The following SCGB2B2 variants were observed in gnomAD, a reference collection of about 807,000 sequenced individuals.
The protein encoded by SCGB2B2 is secretoglobin-like protein.
Under a neutral mutation model 7.6 loss-of-function variants are expected in SCGB2B2, and 11 were observed. The observed-to-expected ratio is 1.45, with a 90% CI of 0.91 to 2.40. The LOEUF (loss-of-function observed/expected upper bound fraction) is 2.40. SCGB2B2 is among the 30% of genes most tolerant of loss of function. The pLI, the probability that SCGB2B2 is intolerant of heterozygous loss-of-function variation, is 0.00. For synonymous variants in SCGB2B2, 50 were observed against 48.6 expected (o/e 1.03, Z -0.12); for missense variants, 104 against 115.4 (o/e 0.90, Z 0.45).
downstream of SCGB2B2, among the ~76,000 whole-genome samples, chr19:34,590,410 C>T (rs2065271666): frequency 6.6e-6 from 1 of 152,086 alleles, no homozygotes; most frequent in Non-Finnish European, 1.5e-5. Context: ...TCCATTCATC[C>T]ATCCATCCAT....
intron 1 of SCGB2B2, among the ~76,000 whole-genome samples, chr19:34,611,444 G>GTACT (rs1600045789): frequency 6.6e-6 from 1 of 151,586 alleles, no homozygotes; most frequent in Non-Finnish European, 1.5e-5. Flanking sequence ...TTTGATGTGA[G>GTACT]TACTTACTAT....
At chr19:34,649,259 A>G (rs1452638236) in intron 1 of SCGB2B2, among the ~76,000 whole-genome samples, 1 of 152,218 alleles carries the variant, frequency 6.6e-6, no homozygotes, top group East Asian at 1.9e-4. Context: ...GGAACAGTAC[A>G]GAAGGTAAAC....
At chr19:34,660,482 C>A (rs750659354) in intron 1 of SCGB2B2, among the ~76,000 whole-genome samples, 19 of 152,012 alleles carry the variant, frequency 1.2e-4, no homozygotes, top group Non-Finnish European at 2.6e-4. Flanking sequence ...AAGGATATGA[C>A]CAGACACTTC....
intron 1 of SCGB2B2, among the ~76,000 whole-genome samples, chr19:34,605,497 C>A (rs1356841544): frequency 6.6e-6 from 1 of 152,174 alleles, no homozygotes; most frequent in African/African-American, 2.4e-5. Flanking sequence ...TCAATGAAAT[C>A]ATGTAAGATG....
chr19:34,614,837 T>C (rs926076101), intron 1 of SCGB2B2, among the ~76,000 whole-genome samples: 1 of 152,234 alleles, frequency 6.6e-6, no homozygotes, highest in African/African-American at 2.4e-5. Context: ...CAAATTAGTA[T>C]AGTGGTATGG....
intron 1 of SCGB2B2, among the ~76,000 whole-genome samples, chr19:34,608,174 C>G (rs532487530): frequency 3.9e-5 from 6 of 152,184 alleles, no homozygotes; most frequent in African/African-American, 1.2e-4. Flanking sequence ...TATTACACCT[C>G]TTTGGCTAAG....
At position 34,591,866 on chromosome 19, in the gene SCGB2B2, G is replaced by C. The variant is rs141225650; in HGVS notation, c.*1689C>G. ...CACATTTCCCTGTTGGGTGGTCCTT[G>C]TGGTTCTCATCACTATTACAATTTT... On this transcript the variant is annotated 3_prime_UTR_variant, in exon 4 of 4. Transcript: ENST00000601241. Among the ~76,000 whole-genome samples, 29 of 152,310 alleles carry C rather than the reference G, an allele frequency of 1.9e-4. No homozygotes were observed. The East Asian group carries it at 5.6e-3, about 29-fold the overall frequency.
intron 1 of SCGB2B2, among the ~76,000 whole-genome samples, chr19:34,600,191 T>C (rs1379165642): frequency 6.6e-6 from 1 of 152,246 alleles, no homozygotes; most frequent in Non-Finnish European, 1.5e-5. Context: ...ACGTTAATTT[T>C]GCTCTTTTAC....
intron 1 of SCGB2B2, among the ~76,000 whole-genome samples, chr19:34,624,244 T>A (rs1008401910): frequency 6.6e-6 from 1 of 152,208 alleles, no homozygotes; most frequent in African/African-American, 2.4e-5. Flanking sequence ...CTGGCAGTGC[T>A]GAGCTTTTAT....
intron 1 of SCGB2B2, among the ~76,000 whole-genome samples, chr19:34,668,163 C>T (rs1278929965): frequency 6.6e-6 from 1 of 152,208 alleles, no homozygotes; most frequent in Non-Finnish European, 1.5e-5. Flanking sequence ...AGGCGGGAGC[C>T]GGCTCCCTCA....
intron 1 of SCGB2B2, among the ~76,000 whole-genome samples, chr19:34,663,878 G>C (rs1247535545): frequency 2.6e-5 from 4 of 152,110 alleles, no homozygotes; most frequent in Admixed American, 1.3e-4. Flanking sequence ...GGAGAGGACT[G>C]GGGGGAAGAG....
chr19:34,611,358 T>C (rs2065921996), intron 1 of SCGB2B2, among the ~76,000 whole-genome samples: 1 of 152,132 alleles, frequency 6.6e-6, no homozygotes, highest in African/African-American at 2.4e-5. Flanking sequence ...TCCTACTAAT[T>C]TTGGGTTTGA....
rs187691547 is a variant in SCGB2B2, at chr19:34,653,284, T to A, written c.-2032+22346A>T. On this transcript the variant is annotated intron_variant, in intron 1 of 3. Coordinates refer to ENST00000601241, the MANE Select transcript of SCGB2B2 (RefSeq NM_001025591.4). Reference sequence around the variant, plus strand: ...GCTAGATAGGAAGACTAACTTCTAGTGTTCTATAGGATTGTAGGGTGAGTG... The same window carrying A: ...GCTAGATAGGAAGACTAACTTCTAGAGTTCTATAGGATTGTAGGGTGAGTG... Among the ~76,000 whole-genome samples the A allele has an allele frequency of 6.5e-4, 98 of 151,214 alleles. 8 individuals carry two copies. Among genetic ancestry groups the A allele is most frequent in the African/African-American group, 2.3e-3 (93 of 40,552 alleles).
intron 1 of SCGB2B2, among the ~76,000 whole-genome samples, chr19:34,606,515 TTC>T (rs1401023954): frequency 3.3e-4 from 38 of 114,322 alleles, no homozygotes; most frequent in East Asian, 6.9e-4. Context: ...TCTTTTCTTT[TTC>T]TTTTTTTTTT....
chr19:34,645,608 G>A (rs1176319498), intron 1 of SCGB2B2: 3 of 295,788 alleles, frequency 1.0e-5, no homozygotes, highest in Non-Finnish European at 2.1e-5. Flanking sequence ...TACACATAAA[G>A]CTCATCCATG....
Position 34,675,908 on chromosome 19 carries a change from G to T in SCGB2B2, c.-2310C>A. 6.5e-6 allele frequency: 1 copy of T among 152,858 alleles called. No individual in the cohort carries two copies. The highest frequency in any genetic ancestry group is 1.5e-5 in the Non-Finnish European group (1 of 68,560). 9.5% of individuals were successfully genotyped at this position (152,858 alleles called of 1,614,324 possible). A position where few individuals can be genotyped will look rare whatever the true frequency, so the allele number is the denominator to read the frequency against. ...TGTTCGTTCCTCCCAGTGGGTTTGTGGTCTCGCTGGCTTCAAGAGTGAAGC... is the reference window on the plus strand; with the variant it reads ...TGTTCGTTCCTCCCAGTGGGTTTGTTGTCTCGCTGGCTTCAAGAGTGAAGC... On this transcript the variant is annotated 5_prime_UTR_variant, in exon 1 of 4. Transcript: ENST00000601241.
At chr19:34,601,841 T>C (rs943890699) in intron 1 of SCGB2B2, among the ~76,000 whole-genome samples, 3 of 152,182 alleles carry the variant, frequency 2.0e-5, no homozygotes, top group Non-Finnish European at 4.4e-5. Flanking sequence ...TGGGTAACAA[T>C]GGTGAAAGTA....
At chr19:34,644,709 T>C (rs1470221124) in intron 1 of SCGB2B2, among the ~76,000 whole-genome samples, 1 of 152,256 alleles carries the variant, frequency 6.6e-6, no homozygotes. Context: ...GTCACACATA[T>C]AGAAAAAGTT....
intron 1 of SCGB2B2, among the ~76,000 whole-genome samples, chr19:34,644,173 T>C (rs905959426): frequency 2.6e-5 from 4 of 152,094 alleles, no homozygotes; most frequent in African/African-American, 4.8e-5. Flanking sequence ...ATCTGCAATA[T>C]TGGAAAGTCA....
Sources: gnomAD v4.1 joint callset for allele counts (sites outside exome capture counted in the v4.1 genomes callset) on GRCh38, gnomAD v4.1.1 for gene constraint, MANE v1.5 for transcripts, NCBI Gene and HGNC (gene_info 2026-07-23, HGNC 2026-07-21) for gene names.